Variants in ARID1B observed in about 807,000 individuals in gnomAD.
The protein encoded by ARID1B is AT-rich interaction domain 1B.
In ARID1B, 30 loss-of-function variants were observed where a neutral mutation model predicts 212.3. That is an observed-to-expected ratio of 0.14 (90% CI 0.11 to 0.19). ARID1B has a LOEUF of 0.19. ARID1B is among the 10% of genes least tolerant of loss of function. ARID1B has a pLI of 1.00. For synonymous variants in ARID1B, 1,402 were observed against 1,301.7 expected (o/e 1.08, Z -1.66); for missense variants, 2,891 against 3,204.0 (o/e 0.90, Z 2.36).
chr6:156,840,360 C>T (rs775761499), intron 2 of ARID1B, among the ~76,000 whole-genome samples: 4 of 152,244 alleles, frequency 2.6e-5, no homozygotes, highest in Non-Finnish European at 5.9e-5. Context: ...TCTCTTATCC[C>T]CTCCTGAACC....
chr6:156,812,796 T>A (rs766784225), intron 1 of ARID1B, among the ~76,000 whole-genome samples: 2 of 151,304 alleles, frequency 1.3e-5, no homozygotes, highest in Admixed American at 1.3e-4. Context: ...TCTCCCTTGA[T>A]GGGACAAGCT....
chr6:157,134,942 C>G (rs192496398), intron 7 of ARID1B, among the ~76,000 whole-genome samples: 157 of 152,160 alleles, frequency 1.0e-3, no homozygotes, highest in African/African-American at 3.6e-3. Context: ...TCCATACTCT[C>G]AAGTAATTCA....
chr6:156,994,042 T>C (rs1778431281), intron 4 of ARID1B, among the ~76,000 whole-genome samples: 1 of 152,262 alleles, frequency 6.6e-6, no homozygotes, highest in Non-Finnish European at 1.5e-5. Context: ...TTGTCAGGTA[T>C]GTAGAAATTG....
At chr6:156,911,906 A>G (rs71578590) in intron 3 of ARID1B, among the ~76,000 whole-genome samples, 3 of 152,212 alleles carry the variant, frequency 2.0e-5, no homozygotes, top group Non-Finnish European at 2.9e-5. Flanking sequence ...AGTATAGAAG[A>G]CCACTTTAAA....
rs1318478373 is a variant in ARID1B at position 157,167,118 on chromosome 6, C to T, written c.3168C>T (p.Ser1056=). Reference sequence around the variant, plus strand: ...CCTACAGCCAGCCCATGAACAACAGCTCTAGCCTGATGAACACGCAGGCGC... The same window carrying T: ...CCTACAGCCAGCCCATGAACAACAGTTCTAGCCTGATGAACACGCAGGCGC... ...SSPYSQPMNN[S]SSLMNTQAPP... The change falls in exon 9 of 20, where the codon AGC becomes AGT. Residue 1056 remains serine, a synonymous_variant. Coordinates refer to ENST00000636930, the MANE Select transcript of ARID1B (RefSeq NM_001374828.1). 1 of 1,612,414 alleles carries T rather than the reference C, an allele frequency of 6.2e-7. No individual in the cohort carries two copies. The highest frequency in any genetic ancestry group is 8.5e-7 in the Non-Finnish European group (1 of 1,180,022).
At chr6:156,782,521 G>A (rs1779352411) in intron 1 of ARID1B, among the ~76,000 whole-genome samples, 1 of 152,096 alleles carries the variant, frequency 6.6e-6, no homozygotes, top group Non-Finnish European at 1.5e-5. Context: ...TTCCATAAAT[G>A]CAGTTTTAAC....
rs759473238 is a variant in ARID1B at position 157,206,361 on chromosome 6, C to T, written c.5589C>T (p.Asp1863=). ...KEEEDAECID[D]DEEDEEDEEE... ...AGGAAGATGCTGAATGTATTGATGA[C>T]GACGAGGAAGACGAGGAGGATGAGG... Residue 1863 remains aspartate (D), a synonymous_variant, in exon 20 of 20, where the codon GAC becomes GAT. Transcript: ENST00000636930. The surrounding 1 kb of genome is among the most constrained non-coding windows in gnomAD (Gnocchi z 6.8). 24 of 1,604,680 alleles carry T rather than the reference C, an allele frequency of 1.5e-5. No homozygotes were observed. The highest frequency in any genetic ancestry group is 8.9e-5 in the East Asian group (4 of 44,884).
rs9397997 is a variant in ARID1B, at chr6:157,146,023, A to G, written c.2762-2601A>G. Among the ~76,000 whole-genome samples the G allele has an allele frequency of 2.7e-3, 404 of 152,214 alleles. 7 individuals carry two copies. The East Asian group carries it at 0.058, about 22-fold the overall frequency. On this transcript the variant is annotated intron_variant, in intron 7 of 19. Coordinates refer to ENST00000636930, the MANE Select transcript of ARID1B (RefSeq NM_001374828.1). ...AAGCTCCTCCTTATGGACAGGATAA[A>G]TCTCAAACTTAGAAGCCTGGTACAC...
At chr6:156,907,998 A>G (rs902226646) in intron 3 of ARID1B, among the ~76,000 whole-genome samples, 6 of 151,956 alleles carry the variant, frequency 3.9e-5, no homozygotes, top group African/African-American at 1.4e-4. Context: ...ATGTTTAGTA[A>G]AACTGTTTAT....
chr6:157,146,643 C>T (rs564711219), intron 7 of ARID1B, among the ~76,000 whole-genome samples: 3 of 152,298 alleles, frequency 2.0e-5, no homozygotes, highest in East Asian at 3.9e-4. Context: ...CATACGTGCA[C>T]GTGCATGCAC....
intron 6 of ARID1B, among the ~76,000 whole-genome samples, chr6:157,113,633 C>T (rs1787100853): frequency 6.6e-6 from 1 of 152,178 alleles, no homozygotes; most frequent in South Asian, 2.1e-4. Flanking sequence ...AAACCACCCC[C>T]ATGATCCAAT....
At chr6:157,010,896 TATC>T (rs1220014548) in intron 4 of ARID1B, among the ~76,000 whole-genome samples, 1 of 152,256 alleles carries the variant, frequency 6.6e-6, no homozygotes, top group Non-Finnish European at 1.5e-5. Flanking sequence ...CTAATAGAAC[TATC>T]ATAGGGAATT....
intron 2 of ARID1B, among the ~76,000 whole-genome samples, chr6:156,882,374 C>T (rs1463172903): frequency 2.0e-5 from 3 of 152,148 alleles, no homozygotes; most frequent in African/African-American, 7.2e-5. Flanking sequence ...TGTTTCTGTT[C>T]AGAGATTCTG....
chr6:156,799,160 A>G (rs941890903), intron 1 of ARID1B, among the ~76,000 whole-genome samples: 2 of 152,252 alleles, frequency 1.3e-5, no homozygotes, highest in Admixed American at 6.5e-5. Flanking sequence ...GTTGTAGTGA[A>G]ATACTAAGTA....
chr6:156,819,750 C>T (rs1369230442), intron 1 of ARID1B, among the ~76,000 whole-genome samples: 1 of 152,226 alleles, frequency 6.6e-6, no homozygotes, highest in East Asian at 1.9e-4. Flanking sequence ...GATGAGCCCA[C>T]TGTTACTCTG....
intron 5 of ARID1B, among the ~76,000 whole-genome samples, chr6:157,102,293 G>C (rs566623733): frequency 1.3e-5 from 2 of 152,282 alleles, no homozygotes; most frequent in East Asian, 3.9e-4. Context: ...TAGTTGATCT[G>C]ATTTGTTGGT....
At chr6:156,907,448 C>T (rs1320368024) in intron 3 of ARID1B, among the ~76,000 whole-genome samples, 3 of 152,116 alleles carry the variant, frequency 2.0e-5, no homozygotes, top group South Asian at 4.1e-4. Flanking sequence ...ATGAAACTCA[C>T]ATTCTATAAT....
At chr6:156,953,339 T>A (rs560256867) in intron 4 of ARID1B, among the ~76,000 whole-genome samples, 37 of 152,320 alleles carry the variant, frequency 2.4e-4, no homozygotes, top group African/African-American at 8.4e-4. Flanking sequence ...TTCACAAATA[T>A]AGAAGTAGCA....
intron 3 of ARID1B, among the ~76,000 whole-genome samples, chr6:156,934,944 A>AGTT (rs1792063943): frequency 2.3e-5 from 2 of 88,508 alleles, no homozygotes; most frequent in Non-Finnish European, 5.2e-5. Context: ...ATATATATAT[A>AGTT]TATATATATA....
Sources: gnomAD v4.1 joint callset for allele counts (sites outside exome capture counted in the v4.1 genomes callset) on GRCh38, gnomAD v4.1.1 for gene constraint, Gnocchi (gnomAD v3.1) non-coding constraint, MANE v1.5 for transcripts, NCBI Gene and HGNC (gene_info 2026-07-23, HGNC 2026-07-21) for gene names.